GSG1L: variants seen among roughly 807,000 people sequenced by gnomAD.
GSG1L encodes germ cell-specific gene 1-like protein.
Under a neutral mutation model 42.1 loss-of-function variants are expected in GSG1L, and 24 were observed. The ratio of observed to expected loss-of-function variants is 0.57; its 90% CI spans 0.41 to 0.80. The LOEUF is 0.80. GSG1L is among the 30% of genes least tolerant of loss of function. The pLI, the probability that GSG1L is intolerant of heterozygous loss-of-function variation, is 0.00. For missense variants in GSG1L, 445 were observed against 472.2 expected (o/e 0.94, Z 0.53); for synonymous variants, 215 against 203.5 (o/e 1.06, Z -0.48).
intron 2 of GSG1L, among the ~76,000 whole-genome samples, chr16:27,904,282 C>A (rs913676620): frequency 8.6e-5 from 13 of 152,038 alleles, no homozygotes; most frequent in Non-Finnish European, 1.3e-4. Flanking sequence ...ATTGTCCAAG[C>A]TGGTCTTAAA....
intron 1 of GSG1L, among the ~76,000 whole-genome samples, chr16:28,016,299 A>C (rs1024514097): frequency 2.0e-5 from 3 of 152,186 alleles, no homozygotes; most frequent in Non-Finnish European, 4.4e-5. Context: ...AACCAATCAT[A>C]GTTTTAATGT....
intron 2 of GSG1L, among the ~76,000 whole-genome samples, chr16:27,893,429 C>T (rs2084152613): frequency 6.6e-6 from 1 of 152,134 alleles, no homozygotes; most frequent in Non-Finnish European, 1.5e-5. Flanking sequence ...GTTCCTCATT[C>T]CTAAAATGGG....
At chr16:27,886,038 A>T (rs763540762) in intron 2 of GSG1L, among the ~76,000 whole-genome samples, 2 of 152,196 alleles carry the variant, frequency 1.3e-5, no homozygotes, top group Non-Finnish European at 2.9e-5. Context: ...TCTGGGCTCC[A>T]TGATGGGGAC....
chr16:27,839,925 G>A (rs2083360206), intron 4 of GSG1L, among the ~76,000 whole-genome samples: 1 of 152,260 alleles, frequency 6.6e-6, no homozygotes, highest in Admixed American at 6.5e-5. Flanking sequence ...GTCCCTGAAG[G>A]GGGATGGCAG....
chr16:27,806,988 T>C (rs2082971479), intron 6 of GSG1L, among the ~76,000 whole-genome samples: 1 of 152,234 alleles, frequency 6.6e-6, no homozygotes, highest in South Asian at 2.1e-4. Context: ...AATCTTACTT[T>C]GGTTCTTCTC....
intron 2 of GSG1L, among the ~76,000 whole-genome samples, chr16:27,937,104 C>T (rs150934645): frequency 6.6e-6 from 1 of 152,348 alleles, no homozygotes; most frequent in Non-Finnish European, 1.5e-5. Flanking sequence ...TGGAAATCTC[C>T]TTCTCCAGCA....
In GSG1L at chr16:27,825,825, T is replaced by G. The variant is rs1417134415; in HGVS notation, c.830+2964A>C. ...CTTTATAAGGGGCTTTTCTCCACTT[T>G]GCTCGGCATTTCTCCTTGCTGCCGC... On this transcript the variant is annotated intron_variant, in intron 5 of 6. Transcript: ENST00000447459. 3.9e-5 allele frequency among the ~76,000 whole-genome samples: 6 copies of G among 152,202 alleles called. No individual in the cohort carries two copies. The East Asian group carries it at 1.2e-3, about 29-fold the overall frequency.
chr16:27,943,667 A>G (rs1305686938), intron 2 of GSG1L, among the ~76,000 whole-genome samples: 3 of 131,038 alleles, frequency 2.3e-5, no homozygotes, highest in Non-Finnish European at 3.1e-5. Context: ...CTCTGCCTCC[A>G]GGGTTCAAGC....
At chr16:27,991,847 C>T (rs2085460401) in intron 1 of GSG1L, among the ~76,000 whole-genome samples, 2 of 152,162 alleles carry the variant, frequency 1.3e-5, no homozygotes, top group African/African-American at 4.8e-5. Context: ...TCCTACTGGG[C>T]CCAATCTATT....
intron 1 of GSG1L, among the ~76,000 whole-genome samples, chr16:28,058,592 T>A (rs565395326): frequency 7.2e-6 from 1 of 139,840 alleles, no homozygotes; most frequent in African/African-American, 2.8e-5. Context: ...CACAACACTG[T>A]ACTCCAGCCT....
intron 1 of GSG1L, among the ~76,000 whole-genome samples, chr16:28,029,867 C>CGT (rs147993796): frequency 6.1e-4 from 93 of 151,518 alleles, no homozygotes; most frequent in Middle Eastern, 6.9e-3. Flanking sequence ...ACAAGGATAG[C>CGT]GTGTGTGTGT....
chr16:27,911,241 T>C (rs12324985), intron 2 of GSG1L, among the ~76,000 whole-genome samples: 37,597 of 142,984 alleles, frequency 0.26, 5,053 homozygotes, highest in Non-Finnish European at 0.3. Context: ...CCTCCTTTCT[T>C]CTCTAGCCTC....
At chr16:27,819,111 A>T (rs1005475244) in intron 5 of GSG1L, among the ~76,000 whole-genome samples, 40 of 152,088 alleles carry the variant, frequency 2.6e-4, no homozygotes, top group African/African-American at 8.7e-4. Flanking sequence ...TTAGCCAGGC[A>T]TGGTGGCATG....
chr16:27,856,214 T>A (rs2083576218), intron 3 of GSG1L, among the ~76,000 whole-genome samples: 1 of 152,164 alleles, frequency 6.6e-6, no homozygotes, highest in Non-Finnish European at 1.5e-5. Flanking sequence ...TTCCAAACAT[T>A]GGCCAAATAT....
At chr16:27,980,296 C>T (rs956193701) in intron 1 of GSG1L, among the ~76,000 whole-genome samples, 2 of 152,128 alleles carry the variant, frequency 1.3e-5, no homozygotes, top group African/African-American at 4.8e-5. Flanking sequence ...AGCCCAGCAT[C>T]CTTGGCTGAA....
chr16:27,991,636 C>A lies in GSG1L; in HGVS notation c.350-28433G>T, dbSNP rs58719836. 3.5e-3 allele frequency among the ~76,000 whole-genome samples: 537 copies of A among 151,860 alleles called. 2 individuals are homozygous for A. Among genetic ancestry groups the A allele is most frequent in the African/African-American group, 0.012 (501 of 41,412 alleles). On this transcript the variant is annotated intron_variant, in intron 1 of 6. Coordinates refer to ENST00000447459, the MANE Select transcript of GSG1L (RefSeq NM_001109763.2). ...GTCAGGTTGGTCTCAAACTCCTGAC[C>A]TCAGGTGATCCACCCGCCTCAGCCT...
At chr16:28,061,301 CT>C (rs1284876009) in intron 1 of GSG1L, among the ~76,000 whole-genome samples, 3 of 152,170 alleles carry the variant, frequency 2.0e-5, no homozygotes, top group Non-Finnish European at 2.9e-5. Flanking sequence ...GCCAAGATGC[CT>C]TTTGAAGTTA....
intron 2 of GSG1L, among the ~76,000 whole-genome samples, chr16:27,914,568 G>C (rs2084429717): frequency 6.9e-6 from 1 of 144,922 alleles, no homozygotes; most frequent in South Asian, 2.1e-4. Flanking sequence ...CTGTTGCCCA[G>C]GCTGGAGTGC....
intron 2 of GSG1L, among the ~76,000 whole-genome samples, chr16:27,925,908 ACAG>A (rs1400751202): frequency 6.6e-6 from 1 of 152,236 alleles, no homozygotes; most frequent in Non-Finnish European, 1.5e-5. Flanking sequence ...GTGACAGCAG[ACAG>A]CAGCCCAGGA....
Sources: allele counts gnomAD v4.1 joint callset (sites outside exome capture counted in the v4.1 genomes callset), GRCh38; gene constraint gnomAD v4.1.1; transcripts MANE v1.5; gene names NCBI Gene and HGNC (gene_info 2026-07-23, HGNC 2026-07-21).